The following ADGRL3 variants were observed in gnomAD, a reference collection of about 807,000 sequenced individuals.
ADGRL3 encodes the protein adhesion G protein-coupled receptor L3.
ADGRL3 carries 62 observed loss-of-function variants against 153.5 expected under a neutral mutation model. The observed-to-expected ratio is 0.40, with a 90% CI of 0.33 to 0.50. The LOEUF (loss-of-function observed/expected upper bound fraction) is 0.50, where lower values mean the gene tolerates loss of function less well. ADGRL3 is among the 20% of genes least tolerant of loss of function. ADGRL3 has a pLI of 0.47. For synonymous variants in ADGRL3, 710 were observed against 672.5 expected, an observed-to-expected ratio of 1.06 and a Z score of -0.86; for missense variants, 1,641 against 1,859.4, an observed-to-expected ratio of 0.88 and a Z score of 2.16.
At chr4:61,858,292 A>T (rs1357773077) in intron 9 of ADGRL3, among the ~76,000 whole-genome samples, 3 of 152,164 alleles carry the variant, frequency 2.0e-5, no homozygotes, top group Admixed American at 1.3e-4. Context: ...CATAGATAAT[A>T]TATAAACAAA....
chr4:62,020,532 A>T (rs1319997250), intron 21 of ADGRL3, among the ~76,000 whole-genome samples: 1 of 152,168 alleles, frequency 6.6e-6, no homozygotes, highest in Non-Finnish European at 1.5e-5. Flanking sequence ...ATGGATCTTG[A>T]AGTGTTACTG....
intron 4 of ADGRL3, among the ~76,000 whole-genome samples, chr4:61,585,179 G>A (rs917297934): frequency 6.6e-6 from 1 of 151,832 alleles, no homozygotes; most frequent in Non-Finnish European, 1.5e-5. Flanking sequence ...GAGAGAGAGA[G>A]AAATAAAATG....
intron 8 of ADGRL3, among the ~76,000 whole-genome samples, chr4:61,789,461 G>A (rs919694679): frequency 6.6e-6 from 1 of 151,982 alleles, no homozygotes; most frequent in Non-Finnish European, 1.5e-5. Context: ...CTTTATGTAA[G>A]GATTATCAAA....
At chr4:61,446,639 G>A (rs771682958) in intron 2 of ADGRL3, among the ~76,000 whole-genome samples, 7 of 152,140 alleles carry the variant, frequency 4.6e-5, no homozygotes, top group Non-Finnish European at 8.8e-5. Flanking sequence ...AAGATAATAT[G>A]TTGGTTGATC....
intron 11 of ADGRL3, among the ~76,000 whole-genome samples, chr4:61,897,669 T>C (rs960009887): frequency 6.6e-6 from 1 of 152,204 alleles, no homozygotes; most frequent in Non-Finnish European, 1.5e-5. Flanking sequence ...TATTGAAAAC[T>C]TCAAGAATCT....
chr4:61,458,828 T>G lies in ADGRL3; in HGVS notation c.-173-38293T>G, dbSNP rs376423596. Among the ~76,000 whole-genome samples the G allele has an allele frequency of 1.4e-4, 21 of 151,612 alleles. No individual in the cohort carries two copies. The East Asian group carries it at 4.1e-3, about 29-fold the overall frequency. ...GTTCTCTAGATAATTTATTTTAAAA[T>G]ATTAAAATTTTGATGTAGTCTGCAT... On this transcript the variant is annotated intron_variant, in intron 2 of 26. Coordinates refer to ENST00000683033, the MANE Select transcript of ADGRL3 (RefSeq NM_001387552.1).
intron 1 of ADGRL3, among the ~76,000 whole-genome samples, chr4:61,329,695 A>C (rs2095532850): frequency 6.7e-6 from 1 of 148,620 alleles, no homozygotes; most frequent in South Asian, 2.1e-4. Context: ...TTTATAAGAA[A>C]AAAAATATAG....
chr4:61,772,551 G>C (rs1252719702), intron 8 of ADGRL3, among the ~76,000 whole-genome samples: 1 of 152,204 alleles, frequency 6.6e-6, no homozygotes, highest in African/African-American at 2.4e-5. Flanking sequence ...GGTTAAACCT[G>C]AGTATTTTTA....
At chr4:61,888,247 A>C (rs2149550884) in intron 9 of ADGRL3, among the ~76,000 whole-genome samples, 1 of 152,362 alleles carries the variant, frequency 6.6e-6, no homozygotes, top group Middle Eastern at 3.4e-3. Context: ...ACTCAAACTT[A>C]ATTTCTTTTA....
chr4:61,849,357 G>A (rs543670163), intron 9 of ADGRL3, among the ~76,000 whole-genome samples: 127 of 152,100 alleles, frequency 8.3e-4, no homozygotes, highest in African/African-American at 2.9e-3. Context: ...GTTTCCTTAG[G>A]GCACAAAATC....
At chr4:61,494,500 T>C (rs1047980964) in intron 2 of ADGRL3, among the ~76,000 whole-genome samples, 3 of 152,224 alleles carry the variant, frequency 2.0e-5, no homozygotes, top group Non-Finnish European at 4.4e-5. Context: ...TTTGTGCATG[T>C]TAAATAATGT....
intron 25 of ADGRL3, among the ~76,000 whole-genome samples, chr4:62,046,644 T>A (rs958662140): frequency 1.3e-5 from 2 of 152,044 alleles, no homozygotes; most frequent in African/African-American, 4.8e-5. Flanking sequence ...AATGATGACT[T>A]TGTGTAGAGA....
At chr4:61,215,735 A>G (rs1045417700) in intron 1 of ADGRL3, among the ~76,000 whole-genome samples, 1 of 151,350 alleles carries the variant, frequency 6.6e-6, no homozygotes, top group Non-Finnish European at 1.5e-5. Flanking sequence ...TGTATTTTTA[A>G]TGGAGACGGG....
intron 1 of ADGRL3, among the ~76,000 whole-genome samples, chr4:61,371,981 T>G (rs1250027178): frequency 1.3e-5 from 2 of 152,224 alleles, no homozygotes; most frequent in East Asian, 3.8e-4. Flanking sequence ...TTCATTCATT[T>G]CATCTTCCAT....
At chr4:61,453,041 C>T (rs1388007273) in intron 2 of ADGRL3, among the ~76,000 whole-genome samples, 1 of 151,952 alleles carries the variant, frequency 6.6e-6, no homozygotes, top group African/African-American at 2.4e-5. Flanking sequence ...ATAGGTGGCC[C>T]AGTAGTTCAG....
intron 8 of ADGRL3, among the ~76,000 whole-genome samples, chr4:61,759,154 T>TGTCTTGGG (rs565280634): frequency 1.3e-5 from 2 of 151,190 alleles, no homozygotes; most frequent in Non-Finnish European, 3.0e-5. Flanking sequence ...GACAATTATG[T>TGTCTTGGG]GTTGCTCTTC....
At chr4:61,628,461 A>G (rs1163954562) in intron 5 of ADGRL3, among the ~76,000 whole-genome samples, 1 of 151,634 alleles carries the variant, frequency 6.6e-6, no homozygotes, top group Admixed American at 6.6e-5. Flanking sequence ...CTCTTAGAGA[A>G]TAATGAGTAT....
chr4:61,522,742 C>T (rs1391634070), intron 4 of ADGRL3, among the ~76,000 whole-genome samples: 1 of 152,106 alleles, frequency 6.6e-6, no homozygotes, highest in African/African-American at 2.4e-5. Context: ...AGGCCTACAT[C>T]TAGTTTAACA....
intron 1 of ADGRL3, among the ~76,000 whole-genome samples, chr4:61,276,106 G>A (rs2093445168): frequency 6.6e-6 from 1 of 152,074 alleles, no homozygotes; most frequent in African/African-American, 2.4e-5. Flanking sequence ...GACAGAAGAA[G>A]TTGATTATCT....
Sources: gnomAD v4.1 joint callset for allele counts (sites outside exome capture counted in the v4.1 genomes callset) on GRCh38, gnomAD v4.1.1 for gene constraint, MANE v1.5 for transcripts, NCBI Gene and HGNC (gene_info 2026-07-23, HGNC 2026-07-21) for gene names.